The following RYR1 variants were observed in gnomAD, a reference collection of about 807,000 sequenced individuals.
RYR1 encodes central core disease of muscle.
In RYR1, 342 loss-of-function variants were observed where a neutral mutation model predicts 583.5. The ratio of observed to expected loss-of-function variants is 0.59; its 90% CI spans 0.54 to 0.64. The LOEUF (loss-of-function observed/expected upper bound fraction) is 0.64, where lower values mean the gene tolerates loss of function less well. RYR1 is among the 30% of genes least tolerant of loss of function. The pLI is 0.00. For synonymous variants in RYR1, 2,791 were observed against 2,822.5 expected (o/e 0.99, Z 0.35); for missense variants, 6,032 against 6,917.2 (o/e 0.87, Z 4.54).
chr19:38,471,899 CAAAAAA>C (rs35479919), intron 27 of RYR1, among the ~76,000 whole-genome samples: 151 of 60,014 alleles, frequency 2.5e-3, no homozygotes, highest in African/African-American at 8.1e-3. Context: ...GACTCTGTCT[CAAAAAA>C]AAAAAAAAAA....
At chr19:38,567,029 C>T (rs1344370758) in intron 92 of RYR1, 42 bp downstream of exon 92, 1 of 1,553,978 alleles carries the variant, frequency 6.4e-7, no homozygotes, top group African/African-American at 1.4e-5. Flanking sequence ...CCTATCACTG[C>T]CTCCCTCCTA....
In RYR1 at chr19:38,444,071, G is replaced by T. The variant is rs189007010; in HGVS notation, c.425-78G>T. The T allele has an allele frequency of 4.8e-3, 6,159 of 1,271,092 alleles. 64 individuals carry two copies. The highest frequency in any genetic ancestry group is 0.026 in the South Asian group (2,151 of 84,086). The allele number at this position is 1,271,092 out of a possible 1,614,324, so 78.7% of individuals were successfully genotyped here. A position where few individuals can be genotyped will look rare whatever the true frequency, so the allele number is the denominator to read the frequency against. On this transcript the variant is annotated intron_variant, in intron 5 of 105. Coordinates refer to ENST00000359596, the MANE Select transcript of RYR1 (RefSeq NM_000540.3). The surrounding 1 kb of genome is among the most constrained non-coding windows in gnomAD (Gnocchi z 5.1). ...GTGGGCCAAGGGCCCGGGAGGCCTG[G>T]TGGAGGGAGAGCCCTGGGGAAGAGC...
intron 63 of RYR1, among the ~76,000 whole-genome samples, chr19:38,513,894 T>A (rs1391017525): frequency 6.6e-6 from 1 of 152,110 alleles, no homozygotes; most frequent in East Asian, 1.9e-4. Flanking sequence ...TTTCCTAGAA[T>A]AGGAACCTTC....
intron 84 of RYR1, among the ~76,000 whole-genome samples, chr19:38,539,966 G>T (rs1306823684): frequency 6.6e-6 from 1 of 152,104 alleles, no homozygotes; most frequent in Non-Finnish European, 1.5e-5. Context: ...CAGGGTTGAT[G>T]GGAAAACCTG....
In RYR1 at chr19:38,504,348, T is replaced by C; in HGVS notation, c.8055T>C (p.Ser2685=). The C allele has an allele frequency of 6.2e-7, 1 of 1,614,174 alleles. No individual in the cohort carries two copies. The highest frequency in any genetic ancestry group is 8.5e-7 in the Non-Finnish European group (1 of 1,180,036). Residue 2685 remains serine (S), a synonymous_variant, in exon 50 of 106, where the codon TCT becomes TCC. Coordinates refer to ENST00000359596, the MANE Select transcript of RYR1 (RefSeq NM_000540.3). ...TRKLFWGIFD[S]LAHKKYDPEL... Reference sequence around the variant, plus strand: ...AACTCTTCTGGGGCATCTTTGACTCTCTGGCCCATAAGGTCTGGGCAGCAG... The same window carrying C: ...AACTCTTCTGGGGCATCTTTGACTCCCTGGCCCATAAGGTCTGGGCAGCAG...
At chr19:38,537,118 C>G (rs1004341916) in intron 83 of RYR1, 50 of 411,054 alleles carry the variant, frequency 1.2e-4, no homozygotes, top group Non-Finnish European at 8.1e-5. Context: ...TGGAGTGATC[C>G]CCACTCCCAC....
chr19:38,456,099 G>A (rs1967369465), intron 16 of RYR1, among the ~76,000 whole-genome samples: 1 of 148,534 alleles, frequency 6.7e-6, no homozygotes, highest in Non-Finnish European at 1.5e-5. Flanking sequence ...GGCCTCCCAA[G>A]TAGCTGGGAC....
chr19:38,492,040 A>C (rs74682718), intron 37 of RYR1, among the ~76,000 whole-genome samples: 2,084 of 152,302 alleles, frequency 0.014, 44 homozygotes, highest in African/African-American at 0.048. Flanking sequence ...GATAGAATGA[A>C]TAAATGAACA....
chr19:38,501,651 T>C (rs1970125791), intron 47 of RYR1, among the ~76,000 whole-genome samples: 1 of 152,028 alleles, frequency 6.6e-6, no homozygotes, highest in Non-Finnish European at 1.5e-5. Flanking sequence ...GAAATGGGGA[T>C]GAGCAGTTTC....
chr19:38,519,318 G>T lies in RYR1; in HGVS notation c.10123G>T (p.Glu3375Ter). 1.2e-6 allele frequency: 2 copies of T among 1,613,884 alleles called. No individual in the cohort carries two copies. The highest frequency in any genetic ancestry group is 1.7e-6 in the Non-Finnish European group (2 of 1,179,884). Residue 3375 changes from glutamate to a stop codon, truncating the protein, a stop_gained, in exon 67 of 106, where the codon GAG becomes TAG. Coordinates refer to ENST00000359596, the MANE Select transcript of RYR1 (RefSeq NM_000540.3). LOFTEE classifies it high-confidence loss of function. The part of the protein sequence containing the change: ...LRKRAGKVVS[E>*]EEQLRLEAKA... Reference sequence around the variant, plus strand: ...CAAGAGGGCAGGGAAGGTGGTGTCCGAGGAGGAGCAGCTGCGCCTGGAGGC... The same window carrying T: ...CAAGAGGGCAGGGAAGGTGGTGTCCTAGGAGGAGCAGCTGCGCCTGGAGGC...
At position 38,584,996 on chromosome 19, in the gene RYR1, C is replaced by T. The variant is rs759063883; in HGVS notation, c.14700C>T (p.Asp4900=). The change falls in exon 102 of 106, where the codon GAC becomes GAT. Residue 4900 remains aspartate (D), a synonymous_variant. Coordinates refer to ENST00000359596, the MANE Select transcript of RYR1 (RefSeq NM_000540.3). ...TCCGGGCTGGCGGAGGCATTGGGGA[C>T]GAGATCGAGGACCCCGCGGGTGACG... ...VGVRAGGGIG[D]EIEDPAGDEY... The T allele has an allele frequency of 4.2e-5, 67 of 1,613,904 alleles. No individual in the cohort carries two copies. Among genetic ancestry groups the T allele is most frequent in the Non-Finnish European group, 5.0e-5 (59 of 1,180,012 alleles).
intron 28 of RYR1, among the ~76,000 whole-genome samples, chr19:38,474,741 ATTTTTGTATT>A (rs1253928497): frequency 6.7e-6 from 1 of 149,994 alleles, no homozygotes; most frequent in Admixed American, 6.6e-5. Context: ...CACCCGGCTA[ATTTTTGTATT>A]TTTGGTAGAG....
rs989976304 is a variant in RYR1 at position 38,536,913 on chromosome 19, T to G, written c.11608+146T>G. 1.5e-5 allele frequency: 12 copies of G among 800,038 alleles called. No homozygotes were observed. In the African/African-American group the frequency reaches 2.0e-4, roughly 14 times the overall value. 49.6% of individuals were successfully genotyped at this position (800,038 alleles called of 1,614,324 possible). ...AGGTGCACCCTGCCAGTGCAAAACC[T>G]GGAGATCAGGAGTCTGGGGAGCATG... On this transcript the variant is annotated intron_variant, in intron 83 of 105. Transcript: ENST00000359596.
Position 38,460,395 on chromosome 19 carries a change from G to A in RYR1, c.2381G>A (p.Gly794Asp), listed in dbSNP as rs1281686397. The change falls in exon 20 of 106, where the codon GGC becomes GAC. Residue 794 changes from glycine (G) to aspartate (D), a missense_variant. Around this residue, in one of 11 missense-constraint regions of RYR1, gnomAD observed 2,627 missense variants for 2,961.3 expected, o/e 0.89. Coordinates refer to ENST00000359596, the MANE Select transcript of RYR1 (RefSeq NM_000540.3). ...AGVKVRFLLG[G>D]RHGEFKFLPP... The stretch of plus-strand genomic sequence containing the variant: ...CCCAGGGTGCGGTTCCTCCTTGGTG[G>A]CCGCCATGGTGAATTCAAGTTCCTG... 7 of 1,614,008 alleles carry A rather than the reference G, an allele frequency of 4.3e-6. No homozygotes were observed. In the African/African-American group the frequency reaches 8.0e-5, roughly 18 times the overall value.
intron 24 of RYR1, 89 bp from the exon 25 acceptor site, chr19:38,467,521 C>T (rs140472790): frequency 2.9e-6 from 4 of 1,363,354 alleles, no homozygotes; most frequent in Non-Finnish European, 3.2e-6. Context: ...CCCTTACTGT[C>T]CCCCAAAGCC....
intron 34 of RYR1, 101 bp from the exon 35 acceptor site, chr19:38,489,076 T>G: frequency 9.8e-7 from 1 of 1,018,482 alleles, no homozygotes; most frequent in Non-Finnish European, 1.6e-6. Context: ...AATGCAGGAA[T>G]GATTGGCATG....
At position 38,560,973 on chromosome 19, in the gene RYR1, T is replaced by C. The variant is rs181369400; in HGVS notation, c.12283-140T>C. 4.8e-3 allele frequency: 3,560 copies of C among 740,614 alleles called. 12 individuals are homozygous for C. Among genetic ancestry groups the C allele is most frequent in the Middle Eastern group, 0.011 (28 of 2,562 alleles). The allele number at this position is 740,614 out of a possible 1,614,324, so 45.9% of individuals were successfully genotyped here. On this transcript the variant is annotated intron_variant, in intron 89 of 105. Coordinates refer to ENST00000359596, the MANE Select transcript of RYR1 (RefSeq NM_000540.3). ...GGGATGGGGACGAGAGGGGATGTCTTGAGGCTGGGTTGAGCTGTGATTGCG... is the reference window on the plus strand; with the variant it reads ...GGGATGGGGACGAGAGGGGATGTCTCGAGGCTGGGTTGAGCTGTGATTGCG...
chr19:38,510,508 C>A lies in RYR1; in HGVS notation c.8943C>A (p.Val2981=). ...TTGCCCTCCCTACAGAGGCTGTGGT[C>A]AGCAGTGGGCGAGTGGAAAAGTCCC... The part of the protein sequence containing the change: ...QEFIAHLEAV[V]SSGRVEKSPH... The change falls in exon 59 of 106, where the codon GTC becomes GTA. Residue 2981 remains valine, a synonymous_variant. Transcript: ENST00000359596. 1.2e-6 allele frequency: 2 copies of A among 1,614,186 alleles called. No individual in the cohort carries two copies. The highest frequency in any genetic ancestry group is 2.2e-5 in the South Asian group (2 of 91,046).
At chr19:38,566,271 G>A (rs1217614944) in intron 91 of RYR1, among the ~76,000 whole-genome samples, 1 of 151,348 alleles carries the variant, frequency 6.6e-6, no homozygotes, top group East Asian at 1.9e-4. Flanking sequence ...CACCGTGGTG[G>A]AACCCCGTCT....
Sources: gnomAD v4.1 joint callset for allele counts (sites outside exome capture counted in the v4.1 genomes callset) on GRCh38, gnomAD v4.1.1 for gene constraint, gnomAD v4.1.1 regional missense constraint, Gnocchi (gnomAD v3.1) non-coding constraint, MANE v1.5 for transcripts, NCBI Gene and HGNC (gene_info 2026-07-23, HGNC 2026-07-21) for gene names.